ULK4: variants seen among roughly 807,000 people sequenced by gnomAD.
ULK4 encodes unc-51 like kinase 4.
In ULK4, 133 loss-of-function variants were observed where a neutral mutation model predicts 160.6. The observed-to-expected ratio is 0.83, with a 90% CI of 0.72 to 0.96. ULK4 has a LOEUF of 0.96. Among genes scored for constraint, ULK4 ranks in the 40% least tolerant of loss-of-function variants. ULK4 has a pLI of 0.00. For missense variants in ULK4, 1,580 were observed against 1,499.5 expected (o/e 1.05, Z -0.89); for synonymous variants, 534 against 539.8 (o/e 0.99, Z 0.15).
chr3:41,339,232 G>A (rs947339113), intron 35 of ULK4, among the ~76,000 whole-genome samples: 1 of 151,522 alleles, frequency 6.6e-6, no homozygotes, highest in African/African-American at 2.4e-5. Flanking sequence ...CTTCACCCCT[G>A]TCCAGGGGCC....
chr3:41,454,114 C>A (rs1339592336), intron 34 of ULK4, among the ~76,000 whole-genome samples: 1 of 147,430 alleles, frequency 6.8e-6, no homozygotes, highest in Non-Finnish European at 1.5e-5. Context: ...CAACATGGCA[C>A]ATGTATACAT....
intron 32 of ULK4, among the ~76,000 whole-genome samples, chr3:41,466,080 G>A (rs2083826314): frequency 6.6e-6 from 1 of 152,100 alleles, no homozygotes; most frequent in Admixed American, 6.5e-5. Context: ...CTATTCATTT[G>A]TATGCTCAAT....
At chr3:41,532,239 C>T (rs1335591953) in intron 32 of ULK4, among the ~76,000 whole-genome samples, 1 of 152,182 alleles carries the variant, frequency 6.6e-6, no homozygotes, top group Non-Finnish European at 1.5e-5. Context: ...CAGGTGTGCG[C>T]CCACTCTGAG....
chr3:41,901,479 C>CTTTTTTTTTTTTTTTTTTGTTTTTTTTTT lies in ULK4; in HGVS notation c.1183-651_1183-650insAAAAAAAAAACAAAAAAAAAAAAAAAAAA, dbSNP rs1698360142. ...ACAGGCGTGAGCCACCACGCCCAGC[C>CTTTTTTTTTTTTTTTTTTGTTTTTTTTTT]TTTTTTTTTTTTTTTTTTTGAGATA... On this transcript the variant is annotated intron_variant, in intron 12 of 36. Coordinates refer to ENST00000301831, the MANE Select transcript of ULK4 (RefSeq NM_017886.4). Among the ~76,000 whole-genome samples, 2 of 22,526 alleles carry CTTTTTTTTTTTTTTTTTTGTTTTTTTTTT rather than the reference C, an allele frequency of 8.9e-5. 1 individual carries two copies. Among genetic ancestry groups the CTTTTTTTTTTTTTTTTTTGTTTTTTTTTT allele is most frequent in the Non-Finnish European group, 3.5e-4 (2 of 5,742 alleles). The allele number at this position is 22,526 out of a possible 152,430, so 14.8% of individuals were successfully genotyped here.
intron 18 of ULK4, among the ~76,000 whole-genome samples, chr3:41,826,118 T>G (rs532956199): frequency 1.3e-5 from 2 of 152,264 alleles, no homozygotes; most frequent in African/African-American, 4.8e-5. Flanking sequence ...TTGACAGATT[T>G]TGACACCACC....
At chr3:41,459,455 C>G (rs1044232614) in intron 33 of ULK4, among the ~76,000 whole-genome samples, 5 of 152,190 alleles carry the variant, frequency 3.3e-5, no homozygotes, top group African/African-American at 1.2e-4. Context: ...CAATTCAACA[C>G]TTACTGTGCT....
intron 32 of ULK4, among the ~76,000 whole-genome samples, chr3:41,564,106 T>C (rs1280074245): frequency 6.6e-6 from 1 of 152,182 alleles, no homozygotes; most frequent in African/African-American, 2.4e-5. Flanking sequence ...ATTTTCCTTC[T>C]TACAGTCAGG....
intron 35 of ULK4, among the ~76,000 whole-genome samples, chr3:41,379,053 C>G (rs368921223): frequency 6.6e-6 from 1 of 151,646 alleles, no homozygotes; most frequent in African/African-American, 2.4e-5. Flanking sequence ...CAGGGCCTGT[C>G]GGGAGATGGG....
intron 29 of ULK4, among the ~76,000 whole-genome samples, chr3:41,666,381 C>G (rs113050556): frequency 0.01 from 1,598 of 152,256 alleles, 24 homozygotes; most frequent in African/African-American, 0.037. Flanking sequence ...AGGTGGCAGT[C>G]AAGGACCAGT....
At chr3:41,839,911 T>A (rs1166071697) in intron 17 of ULK4, among the ~76,000 whole-genome samples, 1 of 152,116 alleles carries the variant, frequency 6.6e-6, no homozygotes, top group African/African-American at 2.4e-5. Context: ...CACAATGCTA[T>A]TTAAAAAAAT....
intron 35 of ULK4, among the ~76,000 whole-genome samples, chr3:41,298,064 T>C (rs1438659459): frequency 2.6e-5 from 4 of 152,214 alleles, no homozygotes; most frequent in South Asian, 2.1e-4. Context: ...CTCTATCATC[T>C]GATTCTGCTA....
rs551431929 is a variant in ULK4 at position 41,283,407 on chromosome 3, C to A, written c.3679-33833G>T. On this transcript the variant is annotated intron_variant, in intron 35 of 36. Transcript: ENST00000301831. ...GACTTAGAACCAACCCAAATGTCCA[C>A]CAATGATAGACTGGATTAAGAAAAT... is the stretch of plus-strand genomic sequence containing the variant. Among the ~76,000 whole-genome samples the A allele has an allele frequency of 4.6e-5, 7 of 152,206 alleles. 1 individual carries two copies. The highest frequency in any genetic ancestry group is 1.7e-4 in the African/African-American group (7 of 41,526).
chr3:41,823,393 C>T (rs756096259), intron 18 of ULK4, among the ~76,000 whole-genome samples: 1 of 152,128 alleles, frequency 6.6e-6, no homozygotes, highest in Non-Finnish European at 1.5e-5. Flanking sequence ...AAGGTAATTA[C>T]AGAGACTTTG....
intron 32 of ULK4, among the ~76,000 whole-genome samples, chr3:41,538,431 C>T (rs2086586031): frequency 6.6e-6 from 1 of 152,094 alleles, no homozygotes; most frequent in Non-Finnish European, 1.5e-5. Context: ...CTTCAATCTA[C>T]AATACTTATC....
chr3:41,890,868 A>G lies in ULK4; in HGVS notation c.1577+4650T>C, dbSNP rs114364180. ...GGGGGAAGGAAGGGATGCGGGGAAGAAAGGGACAGAAGGGGGAAGGAAGGG... is the reference window on the plus strand; with the variant it reads ...GGGGGAAGGAAGGGATGCGGGGAAGGAAGGGACAGAAGGGGGAAGGAAGGG... On this transcript the variant is annotated intron_variant, in intron 16 of 36. Transcript: ENST00000301831. Among the ~76,000 whole-genome samples the G allele has an allele frequency of 1.5e-3, 5 of 3,362 alleles. 2 individuals are homozygous for G. The highest frequency in any genetic ancestry group is 0.013 in the African/African-American group (5 of 394). The allele number at this position is 3,362 out of a possible 152,430, so 2.2% of individuals were successfully genotyped here.
intron 31 of ULK4, among the ~76,000 whole-genome samples, chr3:41,569,977 C>T (rs1795343): frequency 0.43 from 65,238 of 151,666 alleles, 15,087 homozygotes; most frequent in Middle Eastern, 0.55. Context: ...CATCATCCTA[C>T]CTTCTCCTCT....
intron 19 of ULK4, among the ~76,000 whole-genome samples, chr3:41,801,141 A>G (rs542851456): frequency 6.6e-6 from 1 of 152,328 alleles, no homozygotes; most frequent in African/African-American, 2.4e-5. Context: ...GGAGAGAAAC[A>G]AAAGATATAA....
At chr3:41,316,378 A>C (rs1458592305) in intron 35 of ULK4, among the ~76,000 whole-genome samples, 1 of 152,218 alleles carries the variant, frequency 6.6e-6, no homozygotes, top group Non-Finnish European at 1.5e-5. Context: ...GTACCTTTTA[A>C]ATGGGTGACT....
chr3:41,672,052 TATGAAAAAG>T (rs2035559093), intron 29 of ULK4, among the ~76,000 whole-genome samples: 1 of 152,030 alleles, frequency 6.6e-6, no homozygotes, highest in Non-Finnish European at 1.5e-5. Flanking sequence ...AAATGGCTAT[TATGAAAAAG>T]ATGAAAAATA....
Sources: allele counts gnomAD v4.1 joint callset (sites outside exome capture counted in the v4.1 genomes callset), GRCh38; gene constraint gnomAD v4.1.1; transcripts MANE v1.5; gene names NCBI Gene and HGNC (gene_info 2026-07-23, HGNC 2026-07-21).